Variants in CHD9 observed in about 807,000 individuals in gnomAD.
CHD9 encodes chromodomain helicase DNA binding protein 9.
A neutral mutation model predicts 316.1 loss-of-function variants in CHD9; 77 were observed. That is an observed-to-expected ratio of 0.24 (90% CI 0.20 to 0.29). The LOEUF is 0.29. Among genes scored for constraint, CHD9 ranks in the 10% least tolerant of loss-of-function variants. The probability of loss-of-function intolerance (pLI) is 1.00; values close to 1 mark genes in which losing one functional copy is unlikely to be tolerated. For synonymous variants in CHD9, 1,129 were observed against 1,158.3 expected, an observed-to-expected ratio of 0.97 and a Z score of 0.51; for missense variants, 2,763 against 3,438.1, an observed-to-expected ratio of 0.80 and a Z score of 4.91.
chr16:53,227,635 G>T (rs2047767443), intron 7 of CHD9, 32 bp downstream of exon 7: 1 of 677,406 alleles, frequency 1.5e-6, no homozygotes. Context: ...ATAAAAGAAA[G>T]ATGTTGATTT....
At chr16:53,269,365 C>G (rs2052002706) in intron 22 of CHD9, among the ~76,000 whole-genome samples, 1 of 151,986 alleles carries the variant, frequency 6.6e-6, no homozygotes, top group Non-Finnish European at 1.5e-5. Flanking sequence ...GTGTCTTGTG[C>G]AAGGTGTTGA....
At chr16:53,194,301 G>C (rs766495644) in intron 2 of CHD9, among the ~76,000 whole-genome samples, 1 of 152,100 alleles carries the variant, frequency 6.6e-6, no homozygotes, top group Non-Finnish European at 1.5e-5. Flanking sequence ...CCCGAGGCTG[G>C]GTGCAGTGGC....
intron 2 of CHD9, among the ~76,000 whole-genome samples, chr16:53,170,922 G>C (rs1056223855): frequency 6.6e-6 from 1 of 151,898 alleles, no homozygotes; most frequent in African/African-American, 2.4e-5. Context: ...TTGCAACTCA[G>C]GAAGGAAGTA....
intron 2 of CHD9, among the ~76,000 whole-genome samples, chr16:53,171,892 A>G (rs1255649307): frequency 6.9e-6 from 1 of 145,962 alleles, no homozygotes; most frequent in Non-Finnish European, 1.5e-5. Context: ...ACACACACAC[A>G]CACACACACA....
At chr16:53,265,275 G>T (rs2051545742) in intron 20 of CHD9, among the ~76,000 whole-genome samples, 1 of 152,022 alleles carries the variant, frequency 6.6e-6, no homozygotes, top group South Asian at 2.1e-4. Context: ...GATTGTGCGT[G>T]CCTGTAATCC....
At chr16:53,064,702 A>G (rs979979632) in intron 1 of CHD9, among the ~76,000 whole-genome samples, 6 of 152,172 alleles carry the variant, frequency 3.9e-5, no homozygotes, top group African/African-American at 1.2e-4. Context: ...GGCTGGGCAC[A>G]GTGGCTCATG....
intron 17 of CHD9, among the ~76,000 whole-genome samples, chr16:53,253,572 C>T (rs986478511): frequency 6.6e-6 from 1 of 152,020 alleles, no homozygotes; most frequent in South Asian, 2.1e-4. Flanking sequence ...ACCACCTGTA[C>T]CCCAATAACT....
intron 1 of CHD9, among the ~76,000 whole-genome samples, chr16:53,128,482 C>T (rs1211301325): frequency 6.6e-5 from 10 of 151,808 alleles, no homozygotes; most frequent in African/African-American, 1.5e-4. Context: ...ACGCCTGGCC[C>T]GGAATGGAGA....
At position 53,156,542 on chromosome 16, in the gene CHD9, T is replaced by C. The variant is rs764167662; in HGVS notation, c.453T>C (p.His151=). 1 of 1,613,934 alleles carries C rather than the reference T, an allele frequency of 6.2e-7. No individual in the cohort carries two copies. Among genetic ancestry groups the C allele is most frequent in the Admixed American group, 1.7e-5 (1 of 60,004 alleles). The change falls in exon 2 of 39, where the codon CAT becomes CAC. Residue 151 remains histidine, a synonymous_variant. Transcript: ENST00000447540. ...AACAAGGACATTCACACTCTATGCA[T>C]CAAAATAAAAGCTTTGTGGCACACC... The part of the protein sequence containing the change: ...FHQQGHSHSM[H]QNKSFVAHHD...
intron 1 of CHD9, among the ~76,000 whole-genome samples, chr16:53,064,255 T>C (rs898544199): frequency 2.6e-5 from 4 of 152,236 alleles, no homozygotes; most frequent in Non-Finnish European, 5.9e-5. Flanking sequence ...GTGCTCTAGA[T>C]TAAACATTGC....
At chr16:53,217,968 A>C (rs1474212855) in intron 3 of CHD9, among the ~76,000 whole-genome samples, 2 of 133,972 alleles carry the variant, frequency 1.5e-5, no homozygotes, top group African/African-American at 5.5e-5. Flanking sequence ...TTTTTTTTTT[A>C]ATTCAGAATT....
chr16:53,108,483 T>C (rs915346975), intron 1 of CHD9, among the ~76,000 whole-genome samples: 1 of 151,424 alleles, frequency 6.6e-6, no homozygotes, highest in Non-Finnish European at 1.5e-5. Context: ...CCAGCCTGGA[T>C]AACAGAGTGA....
In CHD9 at chr16:53,324,614, G is replaced by A. The variant is rs2153124237; in HGVS notation, c.8413G>A (p.Gly2805Arg). The change falls in exon 39 of 39, where the codon GGG becomes AGG. Residue 2805 changes from glycine to arginine, a missense_variant. Coordinates refer to ENST00000447540, the MANE Select transcript of CHD9 (RefSeq NM_001308319.2). ...PLLLSNILYP[G>R]MLLTPGLNLH... ...ATTACTATCTAATATACTTTATCCA[G>A]GGATGCTTCTCACTCCAGGCCTTAA... 6.2e-7 allele frequency: 1 copy of A among 1,613,644 alleles called. No homozygotes were observed. The highest frequency in any genetic ancestry group is 8.5e-7 in the Non-Finnish European group (1 of 1,179,816).
chr16:53,212,658 C>G (rs1482548420), intron 3 of CHD9, among the ~76,000 whole-genome samples: 1 of 152,094 alleles, frequency 6.6e-6, no homozygotes, highest in Non-Finnish European at 1.5e-5. Flanking sequence ...CTTAGAGTCT[C>G]ATTTCATTTT....
intron 1 of CHD9, among the ~76,000 whole-genome samples, chr16:53,069,381 T>C (rs1268961858): frequency 6.6e-6 from 1 of 152,204 alleles, no homozygotes; most frequent in East Asian, 1.9e-4. Flanking sequence ...TCCAGAACTC[T>C]TTTTCATCTT....
intron 1 of CHD9, among the ~76,000 whole-genome samples, chr16:53,056,892 A>C (rs1280245831): frequency 1.3e-5 from 2 of 152,232 alleles, no homozygotes; most frequent in Non-Finnish European, 2.9e-5. Flanking sequence ...TCTTCCCTGT[A>C]ATCCCAGCAC....
At chr16:53,173,324 A>G (rs906558144) in intron 2 of CHD9, among the ~76,000 whole-genome samples, 5 of 152,102 alleles carry the variant, frequency 3.3e-5, no homozygotes, top group Non-Finnish European at 7.4e-5. Context: ...TTATCAGTAT[A>G]ATGTTTTTCA....
In CHD9 at chr16:53,255,659, T is replaced by C; in HGVS notation, c.4089T>C (p.Ala1363=). Residue 1363 remains alanine, a synonymous_variant, in exon 19 of 39, where the codon GCT becomes GCC. Coordinates refer to ENST00000447540, the MANE Select transcript of CHD9 (RefSeq NM_001308319.2). Reference sequence around the variant, plus strand: ...TGCTTCGAAGAGGTGCTTATGGTGCTATTATGGAGGAAGAAGATGAAGGCT... The same window carrying C: ...TGCTTCGAAGAGGTGCTTATGGTGCCATTATGGAGGAAGAAGATGAAGGCT... ...EDLLRRGAYG[A]IMEEEDEGSK... is the part of the protein sequence containing the mutation. The C allele has an allele frequency of 1.9e-6, 3 of 1,613,896 alleles. No individual in the cohort carries two copies. The highest frequency in any genetic ancestry group is 2.5e-6 in the Non-Finnish European group (3 of 1,179,812).
intron 1 of CHD9, among the ~76,000 whole-genome samples, chr16:53,088,926 A>G (rs1404176615): frequency 6.6e-6 from 1 of 151,672 alleles, no homozygotes; most frequent in African/African-American, 2.4e-5. Context: ...AGCCTGGCCA[A>G]TATGGTGAAA....
Sources: allele counts gnomAD v4.1 joint callset (sites outside exome capture counted in the v4.1 genomes callset), GRCh38; gene constraint gnomAD v4.1.1; transcripts MANE v1.5; gene names NCBI Gene and HGNC (gene_info 2026-07-23, HGNC 2026-07-21).